Variants in PAPPA observed in about 807,000 individuals in gnomAD.
The protein encoded by PAPPA is pappalysin 1.
Under a neutral mutation model 164.0 loss-of-function variants are expected in PAPPA, and 60 were observed. That is an observed-to-expected ratio of 0.37 (90% CI 0.30 to 0.45). PAPPA has a LOEUF of 0.45. Among genes scored for constraint, PAPPA ranks in the 20% least tolerant of loss-of-function variants. The pLI is 1.00. For missense variants in PAPPA, 1,782 were observed against 2,087.3 expected, an observed-to-expected ratio of 0.85 and a Z score of 2.85; for synonymous variants, 875 against 814.1, an observed-to-expected ratio of 1.07 and a Z score of -1.27.
At chr9:116,198,332 A>G (rs1430895952) in intron 2 of PAPPA, among the ~76,000 whole-genome samples, 1 of 152,234 alleles carries the variant, frequency 6.6e-6, no homozygotes, top group African/African-American at 2.4e-5. Context: ...CTCTGAAAAT[A>G]TATGAACTCA....
chr9:116,289,095 T>A (rs552621108), intron 9 of PAPPA, among the ~76,000 whole-genome samples: 1 of 139,234 alleles, frequency 7.2e-6, no homozygotes, highest in South Asian at 2.3e-4. Flanking sequence ...CTTGTTTTAC[T>A]GGATTGCAGA....
At chr9:116,197,117 T>C (rs1333618210) in intron 2 of PAPPA, among the ~76,000 whole-genome samples, 1 of 152,208 alleles carries the variant, frequency 6.6e-6, no homozygotes, top group African/African-American at 2.4e-5. Context: ...AGTATGACAC[T>C]TTTCTTCTCT....
intron 10 of PAPPA, among the ~76,000 whole-genome samples, chr9:116,321,976 GT>G (rs1172771539): frequency 6.6e-6 from 1 of 152,222 alleles, no homozygotes; most frequent in Non-Finnish European, 1.5e-5. Context: ...ACGAGCATGA[GT>G]TTGACTGCTA....
intron 8 of PAPPA, 54 bp downstream of exon 8, chr9:116,266,039 A>G (rs1845064637): frequency 6.6e-7 from 1 of 1,508,436 alleles, no homozygotes; most frequent in Non-Finnish European, 9.1e-7. Flanking sequence ...AGGTCAAGAG[A>G]TGGTTAGGGT....
chr9:116,364,274 T>C (rs1045138706), intron 18 of PAPPA, among the ~76,000 whole-genome samples: 2 of 152,216 alleles, frequency 1.3e-5, no homozygotes, highest in African/African-American at 2.4e-5. Context: ...TTAACTGGCA[T>C]TGAGTGGCTC....
Position 116,154,242 on chromosome 9 carries a change from C to A in PAPPA, c.70C>A (p.Arg24Ser), listed in dbSNP as rs768165075. The stretch of plus-strand genomic sequence containing the variant: ...CGCGCTGGGCTGCGGGCTGGCCGAG[C>A]GTCCCCGCCGGGCCCGGAGAGACCC... ...SAALGCGLAE[R>S]PRRARRDPRA... Residue 24 changes from arginine to serine, a missense_variant, in exon 1 of 22, where the codon CGT (arginine) becomes AGT (serine). Arg to Ser is a moderately radical substitution (Grantham distance 110). Around this residue, in one of 2 missense-constraint regions of PAPPA, gnomAD observed 458 missense variants for 430.3 expected, o/e 1.06. Transcript: ENST00000328252. This position sits in a 1 kb window ranked among gnomAD's most constrained non-coding sequence, Gnocchi z 5.2. 3 of 1,398,116 alleles carry A rather than the reference C, an allele frequency of 2.1e-6. No homozygotes were observed. Among genetic ancestry groups the A allele is most frequent in the South Asian group, 1.3e-5 (1 of 77,042 alleles). 86.6% of individuals were successfully genotyped at this position (1,398,116 alleles called of 1,614,324 possible). A position where few individuals can be genotyped will look rare whatever the true frequency, so the allele number is the denominator to read the frequency against.
intron 7 of PAPPA, among the ~76,000 whole-genome samples, chr9:116,247,431 G>A (rs902815422): frequency 6.6e-6 from 1 of 152,128 alleles, no homozygotes; most frequent in Non-Finnish European, 1.5e-5. Flanking sequence ...CATATCATAT[G>A]ACTAGCGTTA....
chr9:116,209,522 G>T (rs909075560), intron 3 of PAPPA, among the ~76,000 whole-genome samples: 1 of 152,142 alleles, frequency 6.6e-6, no homozygotes, highest in Non-Finnish European at 1.5e-5. Flanking sequence ...TCAGAGTCTG[G>T]CTCAGGGCCA....
At chr9:116,286,919 G>T (rs573238305) in intron 9 of PAPPA, 1 of 152,264 alleles carries the variant, frequency 6.6e-6, no homozygotes, top group East Asian at 1.9e-4. Context: ...GCTAAAGTGT[G>T]CTGGTCATTG....
chr9:116,189,084 T>C (rs780611788), intron 2 of PAPPA, among the ~76,000 whole-genome samples: 3 of 152,182 alleles, frequency 2.0e-5, no homozygotes, highest in Non-Finnish European at 2.9e-5. Flanking sequence ...GAGGTGACAT[T>C]TGAGCAAGGT....
intron 7 of PAPPA, among the ~76,000 whole-genome samples, chr9:116,248,515 G>A (rs1172247466): frequency 6.6e-6 from 1 of 152,166 alleles, no homozygotes; most frequent in African/African-American, 2.4e-5. Context: ...CTTTGAGTTT[G>A]GGGGCTGGCC....
At chr9:116,274,757 T>C (rs1377805172) in intron 9 of PAPPA, among the ~76,000 whole-genome samples, 1 of 152,232 alleles carries the variant, frequency 6.6e-6, no homozygotes, top group Non-Finnish European at 1.5e-5. Flanking sequence ...ACGCTTAGTA[T>C]AGAAGTTGAT....
chr9:116,339,631 T>G (rs1446938671), intron 13 of PAPPA, among the ~76,000 whole-genome samples: 2 of 151,828 alleles, frequency 1.3e-5, no homozygotes, highest in Non-Finnish European at 3.0e-5. Context: ...AGCACTTGTC[T>G]TTTTTGTTGT....
intron 9 of PAPPA, among the ~76,000 whole-genome samples, chr9:116,300,169 G>A (rs1180373713): frequency 6.6e-6 from 1 of 152,050 alleles, no homozygotes; most frequent in Admixed American, 6.6e-5. Flanking sequence ...TTTCTATATT[G>A]AACTGCCATG....
Position 116,352,725 on chromosome 9 carries a change from C to T in PAPPA, c.3984C>T (p.Thr1328=). 4 of 1,612,884 alleles carry T rather than the reference C, an allele frequency of 2.5e-6. No individual in the cohort carries two copies. Among genetic ancestry groups the T allele is most frequent in the Non-Finnish European group, 3.4e-6 (4 of 1,179,896 alleles). ...TTCCAGGCAACAACAGCCTCCTGACCTGCATGGAGGATGGGCTGTGGTCCT... is the reference window on the plus strand; with the variant it reads ...TTCCAGGCAACAACAGCCTCCTGACTTGCATGGAGGATGGGCTGTGGTCCT... ...AQLKGNNSLL[T]CMEDGLWSFP... Residue 1328 remains threonine (T), a synonymous_variant, in exon 16 of 22, where the codon ACC becomes ACT. Coordinates refer to ENST00000328252, the MANE Select transcript of PAPPA (RefSeq NM_002581.5).
At chr9:116,319,877 G>T (rs1845832493) in intron 10 of PAPPA, among the ~76,000 whole-genome samples, 1 of 152,160 alleles carries the variant, frequency 6.6e-6, no homozygotes, top group Non-Finnish European at 1.5e-5. Flanking sequence ...GAACATAGGT[G>T]CTGGACAGTA....
chr9:116,362,732 T>A lies in PAPPA; in HGVS notation c.4488T>A (p.Tyr1496Ter), dbSNP rs759878668. 1 of 1,613,594 alleles carries A rather than the reference T, an allele frequency of 6.2e-7. No individual in the cohort carries two copies. The highest frequency in any genetic ancestry group is 1.1e-5 in the South Asian group (1 of 90,954). ...SNLKLQCPDG[Y>*]AIGSECATSC... is the part of the protein sequence containing the mutation. ...TCAAACTGCAGTGCCCTGATGGCTA[T>A]GCCATAGGTATGATGGGCCCGAGAG... The change falls in exon 18 of 22, where the codon TAT becomes TAA. Residue 1496 changes from tyrosine to a stop codon, truncating the protein, a stop_gained. Coordinates refer to ENST00000328252, the MANE Select transcript of PAPPA (RefSeq NM_002581.5). LOFTEE classifies it high-confidence loss of function.
intron 1 of PAPPA, among the ~76,000 whole-genome samples, chr9:116,158,055 T>G (rs1843624232): frequency 6.6e-6 from 1 of 152,106 alleles, no homozygotes; most frequent in African/African-American, 2.4e-5. Flanking sequence ...CTCCCACCCC[T>G]GTCCCACTCC....
At chr9:116,384,634 C>A (rs956402654) in intron 21 of PAPPA, among the ~76,000 whole-genome samples, 1 of 151,876 alleles carries the variant, frequency 6.6e-6, no homozygotes, top group Non-Finnish European at 1.5e-5. Context: ...TGCTCATGAG[C>A]GTCTTTGCAC....
Sources: gnomAD v4.1 joint callset for allele counts (sites outside exome capture counted in the v4.1 genomes callset) on GRCh38, gnomAD v4.1.1 for gene constraint, gnomAD v4.1.1 regional missense constraint, Gnocchi (gnomAD v3.1) non-coding constraint, MANE v1.5 for transcripts, NCBI Gene and HGNC (gene_info 2026-07-23, HGNC 2026-07-21) for gene names.